The following COL22A1 variants were observed in gnomAD, a reference collection of about 807,000 sequenced individuals.
COL22A1 encodes the protein collagen alpha-1(XXII) chain.
COL22A1 carries 221 observed loss-of-function variants against 248.9 expected under a neutral mutation model. The observed-to-expected ratio is 0.89, with a 90% CI of 0.80 to 0.99. The LOEUF is 0.99. Among genes scored for constraint, COL22A1 ranks in the 50% least tolerant of loss-of-function variants. The pLI is 0.00. For missense variants in COL22A1, 2,240 were observed against 2,179.0 expected (o/e 1.03, Z -0.56); for synonymous variants, 891 against 793.4 (o/e 1.12, Z -2.07).
chr8:138,905,353 G>A (rs376696330), intron 1 of COL22A1, among the ~76,000 whole-genome samples: 4 of 152,140 alleles, frequency 2.6e-5, no homozygotes, highest in East Asian at 1.9e-4. Flanking sequence ...TTTGCAAGAC[G>A]GTAAGTGCAT....
intron 37 of COL22A1, among the ~76,000 whole-genome samples, chr8:138,686,257 T>A (rs1826339875): frequency 1.3e-5 from 2 of 152,118 alleles, no homozygotes; most frequent in Non-Finnish European, 2.9e-5. Context: ...CTTGAGGACC[T>A]GGGCTTTGAG....
At chr8:138,791,518 C>T (rs1049313333) in intron 12 of COL22A1, among the ~76,000 whole-genome samples, 13 of 152,188 alleles carry the variant, frequency 8.5e-5, no homozygotes, top group African/African-American at 2.7e-4. Flanking sequence ...CAAATAAAGA[C>T]ATCTGGAGCA....
At chr8:138,659,365 G>A (rs1270822490) in intron 44 of COL22A1, among the ~76,000 whole-genome samples, 2 of 152,124 alleles carry the variant, frequency 1.3e-5, no homozygotes, top group Admixed American at 6.6e-5. Flanking sequence ...TGAGCCTTGG[G>A]TCCTTGCCTG....
chr8:138,864,195 C>T (rs577078524), intron 3 of COL22A1, among the ~76,000 whole-genome samples: 1 of 152,202 alleles, frequency 6.6e-6, no homozygotes, highest in East Asian at 1.9e-4. Flanking sequence ...CGGTCTGAAC[C>T]TGGCCCATTC....
intron 22 of COL22A1, among the ~76,000 whole-genome samples, chr8:138,745,839 C>T (rs570094563): frequency 6.9e-4 from 105 of 152,284 alleles, no homozygotes; most frequent in African/African-American, 2.3e-3. Flanking sequence ...AGGATTCAGA[C>T]GTAACTGCAG....
chr8:138,768,526 G>T (rs954153477), intron 16 of COL22A1, among the ~76,000 whole-genome samples: 1 of 152,162 alleles, frequency 6.6e-6, no homozygotes, highest in East Asian at 1.9e-4. Flanking sequence ...AATCACAACG[G>T]ACTCGTTTAT....
chr8:138,647,070 A>C (rs1406194871), intron 46 of COL22A1, among the ~76,000 whole-genome samples: 1 of 152,058 alleles, frequency 6.6e-6, no homozygotes, highest in East Asian at 1.9e-4. Flanking sequence ...GCTCACTCCC[A>C]CCTTGGCCTG....
intron 21 of COL22A1, among the ~76,000 whole-genome samples, chr8:138,754,490 A>C (rs1435933224): frequency 3.3e-5 from 5 of 152,248 alleles, no homozygotes; most frequent in African/African-American, 1.2e-4. Context: ...TTTATAAGTC[A>C]GTTATTTTAT....
intron 42 of COL22A1, among the ~76,000 whole-genome samples, chr8:138,662,956 C>T (rs1471732196): frequency 6.7e-6 from 1 of 149,228 alleles, no homozygotes; most frequent in African/African-American, 2.4e-5. Context: ...GCGGAGATTG[C>T]AGTGAGCCAA....
Position 138,663,012 on chromosome 8 carries a change from T to TCTCACACACACACACACACACACACA in COL22A1, c.3186+692_3186+693insTGTGTGTGTGTGTGTGTGTGTGTGAG, listed in dbSNP as rs1554737802. Among the ~76,000 whole-genome samples the TCTCACACACACACACACACACACACA allele has an allele frequency of 6.2e-3, 872 of 140,848 alleles. 5 individuals carry two copies. Among genetic ancestry groups the TCTCACACACACACACACACACACACA allele is most frequent in the African/African-American group, 0.022 (838 of 38,750 alleles). The allele number at this position is 140,848 out of a possible 152,430, so 92.4% of individuals were successfully genotyped here. A position where few individuals can be genotyped will look rare whatever the true frequency, so the allele number is the denominator to read the frequency against. On this transcript the variant is annotated intron_variant, in intron 42 of 64. Coordinates refer to ENST00000303045, the MANE Select transcript of COL22A1 (RefSeq NM_152888.3). ...GCCTGGTTGACAGAGCAGGACTCTG[T>TCTCACACACACACACACACACACACA]CACTCACACACACACACACACACAA...
At chr8:138,750,473 A>G (rs1421683460) in intron 22 of COL22A1, among the ~76,000 whole-genome samples, 1 of 152,210 alleles carries the variant, frequency 6.6e-6, no homozygotes, top group Non-Finnish European at 1.5e-5. Flanking sequence ...GAGGATGTGA[A>G]CTGTGATGGG....
At chr8:138,812,435 C>A (rs1158392901) in intron 8 of COL22A1, among the ~76,000 whole-genome samples, 1 of 152,168 alleles carries the variant, frequency 6.6e-6, no homozygotes, top group Non-Finnish European at 1.5e-5. Flanking sequence ...GCCTTGTGAC[C>A]AGGACTTGGC....
Position 138,623,882 on chromosome 8 carries a change from G to A in COL22A1, c.3718-97C>T, listed in dbSNP as rs1820035832. ...AGCATGTCTTCCTGCCCAGCTTCCA[G>A]CAGTTGCCTTCACAGTTGGCAGCTA... On this transcript the variant is annotated intron_variant, in intron 51 of 64. Coordinates refer to ENST00000303045, the MANE Select transcript of COL22A1 (RefSeq NM_152888.3). 3 of 1,035,112 alleles carry A rather than the reference G, an allele frequency of 2.9e-6. No individual in the cohort carries two copies. The South Asian group carries it at 4.5e-5, about 16-fold the overall frequency. The allele number at this position is 1,035,112 out of a possible 1,614,324, so 64.1% of individuals were successfully genotyped here. A position where few individuals can be genotyped will look rare whatever the true frequency, so the allele number is the denominator to read the frequency against.
At chr8:138,755,713 G>A in intron 19 of COL22A1, 72 bp downstream of exon 19, 1 of 1,480,660 alleles carries the variant, frequency 6.8e-7, no homozygotes, top group Non-Finnish European at 9.4e-7. Context: ...CTTATTCTTA[G>A]AGGTGAAGAC....
At chr8:138,811,294 C>CAT (rs555255717) in intron 9 of COL22A1, among the ~76,000 whole-genome samples, 30 of 129,220 alleles carry the variant, frequency 2.3e-4, no homozygotes, top group African/African-American at 6.7e-4. Context: ...CACACACACA[C>CAT]ATATATATAT....
In COL22A1 at chr8:138,626,198, C is replaced by T. The variant is rs865894177; in HGVS notation, c.3709G>A (p.Gly1237Arg). The T allele has an allele frequency of 7.5e-6, 12 of 1,598,830 alleles. No homozygotes were observed. The highest frequency in any genetic ancestry group is 2.3e-5 in the East Asian group (1 of 44,058). The change falls in exon 51 of 65, where the codon GGA becomes AGA. Residue 1237 changes from glycine (G) to arginine (R), a missense_variant. By Grantham distance (125) the Gly-to-Arg change is moderately radical. Transcript: ENST00000303045. ...TTATAAAAGCCACTTACTGGGATTC[C>T]GGGTAATCCAGATGGGCCTTGGGGG... ...PGPQGPSGLP[G>R]IPGEEGKEGR...
chr8:138,692,463 ATGTGTGTGTGTGTGTGTGTG>A (rs145298366), intron 35 of COL22A1, among the ~76,000 whole-genome samples: 48,417 of 136,164 alleles, frequency 0.36, 8,305 homozygotes, highest in South Asian at 0.46. Flanking sequence ...GTGTGAGTGC[ATGTGTGTGTGTGTGTGTGTG>A]TGTGTGTGTG....
intron 1 of COL22A1, among the ~76,000 whole-genome samples, chr8:138,901,373 T>TTTTG (rs1554660906): frequency 4.3e-5 from 6 of 138,636 alleles, no homozygotes; most frequent in East Asian, 2.1e-4. Flanking sequence ...TTTTTTGTTT[T>TTTTG]TTTTTTTTTT....
Position 138,613,878 on chromosome 8 carries a change from T to C in COL22A1, c.3967A>G (p.Arg1323Gly). The change falls in exon 56 of 65, where the codon AGG (arginine) becomes GGG (glycine). Residue 1323 changes from arginine (R) to glycine (G), a missense_variant. Physicochemically the swap from Arg to Gly is moderately radical, Grantham distance 125. Transcript: ENST00000303045. ...PTGPQGPQGP[R>G]GPPGKNGSPG... Reference sequence around the variant, plus strand: ...AAAGCAAAACTCACCGGTGGGCCCCTTGGTCCTTGGGGACCCTGTGGCCCA... The same window carrying C: ...AAAGCAAAACTCACCGGTGGGCCCCCTGGTCCTTGGGGACCCTGTGGCCCA... The C allele has an allele frequency of 1.2e-6, 2 of 1,613,926 alleles. No homozygotes were observed. The highest frequency in any genetic ancestry group is 1.1e-5 in the South Asian group (1 of 91,078).
Sources: allele counts gnomAD v4.1 joint callset (sites outside exome capture counted in the v4.1 genomes callset), GRCh38; gene constraint gnomAD v4.1.1; transcripts MANE v1.5; gene names NCBI Gene and HGNC (gene_info 2026-07-23, HGNC 2026-07-21).